Variants in TMEM117 observed in about 807,000 individuals in gnomAD.
TMEM117 encodes transmembrane protein 117.
In TMEM117, 27 loss-of-function variants were observed where a neutral mutation model predicts 52.4. The observed-to-expected ratio is 0.51, with a 90% CI of 0.38 to 0.71. TMEM117 has a LOEUF of 0.71. Among genes scored for constraint, TMEM117 ranks in the 30% least tolerant of loss-of-function variants. The pLI is 0.00. For missense variants in TMEM117, 556 were observed against 630.5 expected, an observed-to-expected ratio of 0.88 and a Z score of 1.26; for synonymous variants, 215 against 206.3, an observed-to-expected ratio of 1.04 and a Z score of -0.36.
At chr12:44,357,119 T>A (rs1225652446) in intron 6 of TMEM117, among the ~76,000 whole-genome samples, 2 of 152,170 alleles carry the variant, frequency 1.3e-5, no homozygotes, top group Non-Finnish European at 2.9e-5. Flanking sequence ...TTTCATAAAA[T>A]GTCTTCAGTT....
At chr12:44,208,711 G>A (rs1260840307) in intron 4 of TMEM117, among the ~76,000 whole-genome samples, 2 of 146,366 alleles carry the variant, frequency 1.4e-5, no homozygotes, top group Non-Finnish European at 3.0e-5. Flanking sequence ...CAGCTGCCTG[G>A]CATCAGAAAG....
intron 5 of TMEM117, among the ~76,000 whole-genome samples, chr12:44,247,607 T>C (rs1301589886): frequency 1.3e-5 from 2 of 152,238 alleles, no homozygotes; most frequent in Admixed American, 6.5e-5. Context: ...TATCCTGAAA[T>C]ATACATTACA....
At chr12:44,197,506 A>G (rs1949436847) in intron 4 of TMEM117, among the ~76,000 whole-genome samples, 1 of 152,100 alleles carries the variant, frequency 6.6e-6, no homozygotes, top group South Asian at 2.1e-4. Context: ...ATGGCATGCT[A>G]GAAGATGGTG....
chr12:44,212,794 G>A (rs1018805122), intron 5 of TMEM117, among the ~76,000 whole-genome samples: 15 of 151,458 alleles, frequency 9.9e-5, no homozygotes, highest in African/African-American at 2.7e-4. Context: ...TAATTCTGGC[G>A]GTTGATTTTT....
intron 3 of TMEM117, among the ~76,000 whole-genome samples, chr12:44,131,832 G>A (rs1216640228): frequency 6.6e-6 from 1 of 151,912 alleles, no homozygotes; most frequent in Non-Finnish European, 1.5e-5. Flanking sequence ...TGTAGCCTTA[G>A]TTTTAGGTAT....
intron 3 of TMEM117, among the ~76,000 whole-genome samples, chr12:43,966,266 T>G (rs2137676820): frequency 6.6e-6 from 1 of 152,354 alleles, no homozygotes; most frequent in South Asian, 2.1e-4. Flanking sequence ...AAGAAGGGGA[T>G]AAGAGGTGCT....
intron 5 of TMEM117, among the ~76,000 whole-genome samples, chr12:44,279,346 T>G (rs1020363537): frequency 5.9e-5 from 9 of 152,290 alleles, no homozygotes; most frequent in African/African-American, 2.2e-4. Context: ...ACTTGGCCAG[T>G]TGCAGCCAAA....
intron 4 of TMEM117, among the ~76,000 whole-genome samples, chr12:44,181,416 GAAGTCCTTGCCCATGCCT>G (rs1469367505): frequency 6.6e-5 from 10 of 151,798 alleles, no homozygotes; most frequent in Non-Finnish European, 1.5e-4. Flanking sequence ...TTTTAGACAT[GAAGTCCTTGCCCATGCCT>G]ATGTCCTGAA....
chr12:43,908,911 C>A (rs1464247017), intron 2 of TMEM117, among the ~76,000 whole-genome samples: 2 of 144,702 alleles, frequency 1.4e-5, no homozygotes, highest in Non-Finnish European at 3.0e-5. Flanking sequence ...GACTTTAACA[C>A]CCCACTGTCA....
intron 2 of TMEM117, among the ~76,000 whole-genome samples, chr12:43,861,932 G>C (rs1192042685): frequency 1.3e-5 from 2 of 152,182 alleles, no homozygotes; most frequent in African/African-American, 4.8e-5. Context: ...CACGTGGTGA[G>C]GTTGTACTTG....
chr12:44,329,470 T>TTTAACCCAGCTGTCTGTACC (rs1344408274), intron 6 of TMEM117, among the ~76,000 whole-genome samples: 2 of 152,140 alleles, frequency 1.3e-5, no homozygotes, highest in Non-Finnish European at 2.9e-5. Flanking sequence ...CCGTATTTGG[T>TTTAACCCAGCTGTCTGTACC]GTTTAACCCA....
upstream of TMEM117, among the ~76,000 whole-genome samples, chr12:43,833,688 G>T (rs904553441): frequency 6.6e-6 from 1 of 151,686 alleles, no homozygotes; most frequent in Non-Finnish European, 1.5e-5. Flanking sequence ...ACTTGGGAGG[G>T]TGAGTCAGCA....
intron 3 of TMEM117, among the ~76,000 whole-genome samples, chr12:43,948,691 G>C (rs960906416): frequency 2.6e-5 from 4 of 152,146 alleles, no homozygotes; most frequent in Admixed American, 6.5e-5. Flanking sequence ...GCCATTTTAT[G>C]AGTAACTTCT....
At chr12:43,906,198 C>A (rs979851268) in intron 2 of TMEM117, among the ~76,000 whole-genome samples, 3 of 152,164 alleles carry the variant, frequency 2.0e-5, no homozygotes, top group African/African-American at 7.2e-5. Flanking sequence ...TGCTATGGCT[C>A]ATGCCTGAAA....
At chr12:43,834,146 A>T (rs533788996), upstream of TMEM117, among the ~76,000 whole-genome samples, 13 of 152,324 alleles carry the variant, frequency 8.5e-5, no homozygotes, top group South Asian at 6.2e-4. Context: ...TATTCTGTAT[A>T]ATTTGTGAAG....
chr12:43,822,426 T>A, the TMEM117 span, among the ~76,000 whole-genome samples: 1 of 152,180 alleles, frequency 6.6e-6, no homozygotes, highest in Non-Finnish European at 1.5e-5. Flanking sequence ...CAAAATTAAT[T>A]TGTGTAATTT....
chr12:44,090,844 TTTTTG>T (rs1234717047), intron 3 of TMEM117, among the ~76,000 whole-genome samples: 3 of 119,422 alleles, frequency 2.5e-5, no homozygotes, highest in African/African-American at 1.1e-4. Flanking sequence ...TATGTGTTTT[TTTTTG>T]TTTTTTTTTT....
intron 5 of TMEM117, among the ~76,000 whole-genome samples, chr12:44,225,519 G>A (rs59136483): frequency 0.11 from 16,134 of 152,082 alleles, 947 homozygotes; most frequent in Middle Eastern, 0.2. Flanking sequence ...TTTAGCATAA[G>A]ATGATTACAT....
chr12:43,800,421 T>A, the TMEM117 span: 3 of 1,596,730 alleles, frequency 1.9e-6, no homozygotes, highest in South Asian at 2.2e-5. Context: ...AGAATCCACA[T>A]ACAAACATAA....
Sources: allele counts gnomAD v4.1 joint callset (sites outside exome capture counted in the v4.1 genomes callset), GRCh38; gene constraint gnomAD v4.1.1; transcripts MANE v1.5; gene names NCBI Gene and HGNC (gene_info 2026-07-23, HGNC 2026-07-21).